Variants in ACAN observed in about 807,000 individuals in gnomAD.
ACAN encodes the protein aggrecan core protein.
A neutral mutation model predicts 169.1 loss-of-function variants in ACAN; 47 were observed. That is an observed-to-expected ratio of 0.28 (90% CI 0.22 to 0.35). The LOEUF (loss-of-function observed/expected upper bound fraction) is 0.35, where lower values mean the gene tolerates loss of function less well. Ranked by LOEUF, ACAN falls within the 10% of genes least tolerant of loss-of-function variation. ACAN has a pLI of 1.00. For synonymous variants in ACAN, 1,115 were observed against 1,112.2 expected, an observed-to-expected ratio of 1.00 and a Z score of -0.05; for missense variants, 2,716 against 2,759.9, an observed-to-expected ratio of 0.98 and a Z score of 0.36.
chr15:88,840,686 T>C (rs1475557137), intron 4 of ACAN, among the ~76,000 whole-genome samples: 1 of 149,980 alleles, frequency 6.7e-6, no homozygotes, highest in Non-Finnish European at 1.5e-5. Context: ...TTCAGGAGCA[T>C]CATAGCTCCA....
chr15:88,874,166 A>G lies in ACAN; in HGVS notation c.7630+142A>G, dbSNP rs944373747. 1.7e-6 allele frequency: 2 copies of G among 1,209,398 alleles called. No individual in the cohort carries two copies. The highest frequency in any genetic ancestry group is 5.1e-5 in the East Asian group (2 of 39,360). The allele number at this position is 1,209,398 out of a possible 1,614,324, so 74.9% of individuals were successfully genotyped here. ...GAGGTCGGGGGGCTGCTCAGTCACAAATAGCTGACCACTGCCCTTAGAAGG... is the reference window on the plus strand; with the variant it reads ...GAGGTCGGGGGGCTGCTCAGTCACAGATAGCTGACCACTGCCCTTAGAAGG... On this transcript the variant is annotated intron_variant, in intron 18 of 18. Transcript: ENST00000560601. The surrounding 1 kb of genome is among the most constrained non-coding windows in gnomAD (Gnocchi z 7.3).
rs750979692 is a variant in ACAN, at chr15:88,847,972, A to T, written c.1666A>T (p.Arg556Trp). ...TGACAAGGACAGCAGCCCAGGGGTC[A>T]GGACCTATGGCGTGCGCCCATCAAC... is the stretch of plus-strand genomic sequence containing the variant. Reference protein sequence around the residue: ...VGDKDSSPGVRTYGVRPSTET... With the variant: ...VGDKDSSPGVWTYGVRPSTET... Residue 556 changes from arginine (R) to tryptophan (W), a missense_variant, in exon 9 of 19, where the codon AGG becomes TGG. Transcript: ENST00000560601. 1.1e-5 allele frequency: 18 copies of T among 1,613,930 alleles called. No homozygotes were observed. The East Asian group carries it at 3.6e-4, about 32-fold the overall frequency.
chr15:88,836,612 G>A (rs2141557547), intron 2 of ACAN, among the ~76,000 whole-genome samples: 1 of 152,336 alleles, frequency 6.6e-6, no homozygotes, highest in South Asian at 2.1e-4. Flanking sequence ...GGAGGGGCAG[G>A]ACATAGACAA....
At chr15:88,848,738 G>A (rs74997407) in intron 9 of ACAN, among the ~76,000 whole-genome samples, 4,108 of 152,172 alleles carry the variant, frequency 0.027, 188 homozygotes, top group African/African-American at 0.094. Context: ...GAAAGATTTC[G>A]GCATTGCCAC....
Position 88,839,109 on chromosome 15 carries a change from C to A in ACAN, c.454+63C>A. ...ACATAAAGAACCAGAGCAGTCTCCGCAGTGCAGGCGCAGGCAGGCTGGCCT... is the reference window on the plus strand; with the variant it reads ...ACATAAAGAACCAGAGCAGTCTCCGAAGTGCAGGCGCAGGCAGGCTGGCCT... On this transcript the variant is annotated intron_variant, in intron 3 of 18. Transcript: ENST00000560601. This position sits in a 1 kb window ranked among gnomAD's most constrained non-coding sequence, Gnocchi z 4.5. 6 of 1,570,882 alleles carry A rather than the reference C, an allele frequency of 3.8e-6. No individual in the cohort carries two copies. Among genetic ancestry groups the A allele is most frequent in the Non-Finnish European group, 5.2e-6 (6 of 1,164,994 alleles).
chr15:88,845,710 G>A lies in ACAN; in HGVS notation c.1257G>A (p.Thr419=), dbSNP rs368193007. The A allele has an allele frequency of 3.2e-5, 52 of 1,613,844 alleles. No homozygotes were observed. The African/African-American group carries it at 5.9e-4, about 18-fold the overall frequency. The change falls in exon 7 of 19, where the codon ACG becomes ACA. Residue 419 remains threonine, a synonymous_variant. Transcript: ENST00000560601. ...PSPLEPEEPF[T]FAPEIGATAF... ...CCCTGGAACCCGAGGAGCCCTTCAC[G>A]TTTGCCCCTGAAATAGGGGCCACTG...
At position 88,838,698 on chromosome 15, in the gene ACAN, C is replaced by T. The variant is rs770179538; in HGVS notation, c.106C>T (p.Pro36Ser). Residue 36 changes from proline (P) to serine (S), a missense_variant, in exon 3 of 19, where the codon CCG becomes TCG. Physicochemically the swap from Pro to Ser is moderately conservative, Grantham distance 74 (BLOSUM62 -1). Coordinates refer to ENST00000560601, the MANE Select transcript of ACAN (RefSeq NM_001369268.1). The surrounding 1 kb of genome is among the most constrained non-coding windows in gnomAD (Gnocchi z 5.1). Reference protein sequence around the residue: ...DNSLSVSIPQPSPLRVLLGTS... With the variant: ...DNSLSVSIPQSSPLRVLLGTS... ...CTCGCTGAGTGTCAGCATCCCCCAA[C>T]CGTCCCCGCTGAGGGTCCTCCTGGG... 7 of 1,600,910 alleles carry T rather than the reference C, an allele frequency of 4.4e-6. No homozygotes were observed. Among genetic ancestry groups the T allele is most frequent in the East Asian group, 2.2e-5 (1 of 44,776 alleles).
At position 88,843,888 on chromosome 15, in the gene ACAN, TAAAA is replaced by T. The variant is rs1896730452; in HGVS notation, c.1051+242_1051+245del. ...TCATCGGATCAGCACAGACGAGGCT[TAAAA>T]ACCTCCAAACTGTTTTCTCCAGTTT... On this transcript the variant is annotated intron_variant, in intron 6 of 18. Transcript: ENST00000560601. This position sits in a 1 kb window ranked among gnomAD's most constrained non-coding sequence, Gnocchi z 4.0. Among the ~76,000 whole-genome samples the T allele has an allele frequency of 6.6e-6, 1 of 152,116 alleles. No homozygotes were observed. Among genetic ancestry groups the T allele is most frequent in the African/African-American group, 2.4e-5 (1 of 41,422 alleles).
At chr15:88,852,058 C>A (rs1896944759) in intron 11 of ACAN, 25 bp downstream of exon 11, 1 of 1,572,488 alleles carries the variant, frequency 6.4e-7, no homozygotes, top group Non-Finnish European at 8.6e-7. Flanking sequence ...GGTTCTGGGG[C>A]ACACCCTGAA....
chr15:88,851,931 C>T lies in ACAN; in HGVS notation c.2164C>T (p.Pro722Ser), dbSNP rs267604364. Residue 722 changes from proline to serine, a missense_variant, in exon 11 of 19, where the codon CCC becomes TCC. By Grantham distance (74) the Pro-to-Ser change is moderately conservative. This residue lies in a region of ACAN where 1,283 missense variants were observed against 1,281.5 expected (regional missense o/e 1.00). Transcript: ENST00000560601. This position sits in a 1 kb window ranked among gnomAD's most constrained non-coding sequence, Gnocchi z 4.3. ...VPVEEETTAV[P>S]SGETTAILEF... ...CGTAGAAGAGGAGACAACTGCTGTA[C>T]CCTCAGGGGAGACTACTGCCATCCT... 2.5e-6 allele frequency: 4 copies of T among 1,612,732 alleles called. No homozygotes were observed. The highest frequency in any genetic ancestry group is 3.4e-6 in the Non-Finnish European group (4 of 1,179,458).
At position 88,857,528 on chromosome 15, in the gene ACAN, A is replaced by T; in HGVS notation, c.4943A>T (p.Asp1648Val). Reference protein sequence around the residue: ...LGSGPPSGLPDFSGLPSGFPT... With the variant: ...LGSGPPSGLPVFSGLPSGFPT... ...AGTGGCCCACCCTCTGGCCTGCCTG[A>T]CTTTAGTGGACTTCCATCTGGATTC... The change falls in exon 12 of 19, where the codon GAC becomes GTC. Residue 1648 changes from aspartate (D) to valine (V), a missense_variant. Asp to Val is a radical substitution (Grantham distance 152). Transcript: ENST00000560601. 1 of 1,613,876 alleles carries T rather than the reference A, an allele frequency of 6.2e-7. No homozygotes were observed. Among genetic ancestry groups the T allele is most frequent in the Non-Finnish European group, 8.5e-7 (1 of 1,179,902 alleles).
At chr15:88,813,953 T>A (rs2141497772) in intron 1 of ACAN, among the ~76,000 whole-genome samples, 1 of 152,380 alleles carries the variant, frequency 6.6e-6, no homozygotes, top group Admixed American at 6.5e-5. Context: ...CTCTCCTCAG[T>A]TGTGATGGTG....
At chr15:88,812,331 A>G (rs1895841960) in intron 1 of ACAN, among the ~76,000 whole-genome samples, 1 of 152,172 alleles carries the variant, frequency 6.6e-6, no homozygotes, top group African/African-American at 2.4e-5. Flanking sequence ...ACTGCACAGA[A>G]TGACTCGCCC....
intron 1 of ACAN, among the ~76,000 whole-genome samples, chr15:88,820,629 A>T (rs1364542665): frequency 6.6e-6 from 1 of 152,052 alleles, no homozygotes; most frequent in Non-Finnish European, 1.5e-5. Context: ...CCTGTCCATC[A>T]AGGCTAAACT....
At position 88,873,280 on chromosome 15, in the gene ACAN, A is replaced by C. The variant is rs1457482939; in HGVS notation, c.7447+255A>C. On this transcript the variant is annotated intron_variant, in intron 17 of 18. Coordinates refer to ENST00000560601, the MANE Select transcript of ACAN (RefSeq NM_001369268.1). The surrounding 1 kb of genome is among the most constrained non-coding windows in gnomAD (Gnocchi z 7.5). ...AAGCACATGAAGGTCACAGGCTAGAAGACAGGACCCCCACTCCACACTCCA... is the reference window on the plus strand; with the variant it reads ...AAGCACATGAAGGTCACAGGCTAGACGACAGGACCCCCACTCCACACTCCA... 6.6e-6 allele frequency among the ~76,000 whole-genome samples: 1 copy of C among 152,186 alleles called. No homozygotes were observed. The highest frequency in any genetic ancestry group is 2.4e-5 in the African/African-American group (1 of 41,444).
Position 88,849,717 on chromosome 15 carries a change from C to T in ACAN, c.2012C>T (p.Ala671Val), listed in dbSNP as rs751443753. ...GLPDPLSRHHAFCFRGISAVP... is the reference protein window; with the variant it reads ...GLPDPLSRHHVFCFRGISAVP... ...CCAGACCCACTGTCCCGGCACCATGCCTTCTGCTTCCGAGGTATGCAGCCT... is the reference window on the plus strand; with the variant it reads ...CCAGACCCACTGTCCCGGCACCATGTCTTCTGCTTCCGAGGTATGCAGCCT... The change falls in exon 10 of 19, where the codon GCC becomes GTC. Residue 671 changes from alanine to valine, a missense_variant. Physicochemically the swap from Ala to Val is moderately conservative, Grantham distance 64 (BLOSUM62 0). Coordinates refer to ENST00000560601, the MANE Select transcript of ACAN (RefSeq NM_001369268.1). The surrounding 1 kb of genome is among the most constrained non-coding windows in gnomAD (Gnocchi z 5.1). 3.1e-6 allele frequency: 5 copies of T among 1,613,786 alleles called. No individual in the cohort carries two copies. The highest frequency in any genetic ancestry group is 2.2e-5 in the South Asian group (2 of 91,064).
At position 88,843,303 on chromosome 15, in the gene ACAN, AGCAGGG is replaced by A; in HGVS notation, c.758-50_758-45del. The A allele has an allele frequency of 7.4e-7, 1 of 1,348,310 alleles. No homozygotes were observed. Among genetic ancestry groups the A allele is most frequent in the Non-Finnish European group, 9.5e-7 (1 of 1,049,534 alleles). The allele number at this position is 1,348,310 out of a possible 1,614,324, so 83.5% of individuals were successfully genotyped here. On this transcript the variant is annotated intron_variant, in intron 5 of 18. Coordinates refer to ENST00000560601, the MANE Select transcript of ACAN (RefSeq NM_001369268.1). The surrounding 1 kb of genome is among the most constrained non-coding windows in gnomAD (Gnocchi z 4.0). ...AGTGTGGATCTCTCTGGGGATGCAG[AGCAGGG>A]GGAGGGGGGAGAAGACCCTTACCCA...
At chr15:88,854,733 T>G in intron 11 of ACAN, 119 bp from the exon 12 acceptor site, 2 of 1,156,162 alleles carry the variant, frequency 1.7e-6, no homozygotes, top group Non-Finnish European at 2.3e-6. Context: ...GACACGTTGC[T>G]GAGCTCTTGA....
Position 88,856,965 on chromosome 15 carries a change from T to C in ACAN, c.4380T>C (p.Ser1460=), listed in dbSNP as rs1305008583. 4 of 1,613,460 alleles carry C rather than the reference T, an allele frequency of 2.5e-6. No homozygotes were observed. The South Asian group carries it at 4.4e-5, about 18-fold the overall frequency. ...GLPSGEVLET[S]TSAVGDLSGL... is the part of the protein sequence containing the mutation. The stretch of plus-strand genomic sequence containing the variant: ...CTTCTGGAGAAGTTCTAGAGACTTC[T>C]ACCTCTGCGGTAGGGGACCTCAGTG... Residue 1460 remains serine (S), a synonymous_variant, in exon 12 of 19, where the codon TCT becomes TCC. Transcript: ENST00000560601.
Sources: gnomAD v4.1 joint callset for allele counts (sites outside exome capture counted in the v4.1 genomes callset) on GRCh38, gnomAD v4.1.1 for gene constraint, gnomAD v4.1.1 regional missense constraint, Gnocchi (gnomAD v3.1) non-coding constraint, MANE v1.5 for transcripts, NCBI Gene and HGNC (gene_info 2026-07-23, HGNC 2026-07-21) for gene names.